Variants in THSD7A observed in about 807,000 individuals in gnomAD.
THSD7A encodes thrombospondin type-1 domain-containing protein 7A.
A neutral mutation model predicts 231.3 loss-of-function variants in THSD7A; 96 were observed. The observed-to-expected ratio is 0.41, with a 90% CI of 0.35 to 0.49. THSD7A has a LOEUF of 0.49. Ranked by LOEUF, THSD7A falls within the 20% of genes least tolerant of loss-of-function variation. THSD7A has a pLI of 0.05. For missense variants in THSD7A, 2,290 were observed against 2,070.2 expected (o/e 1.11, Z -2.06); for synonymous variants, 940 against 743.3 (o/e 1.26, Z -4.30).
intron 1 of THSD7A, among the ~76,000 whole-genome samples, chr7:11,653,719 G>A (rs1380249206): frequency 6.6e-6 from 1 of 151,816 alleles, no homozygotes; most frequent in African/African-American, 2.4e-5. Context: ...AATGAGAAAA[G>A]TAACCTCTTC....
intron 4 of THSD7A, among the ~76,000 whole-genome samples, chr7:11,562,342 T>A (rs562851428): frequency 1.3e-5 from 2 of 152,344 alleles, no homozygotes; most frequent in African/African-American, 4.8e-5. Context: ...CTAATTTGAA[T>A]AATGATATAC....
rs1781872849 is a variant in THSD7A at position 11,636,693 on chromosome 7, A to C, written c.459T>G (p.Ile153Met). Residue 153 changes from isoleucine to methionine, a missense_variant, in exon 2 of 28, where the codon ATT becomes ATG. Transcript: ENST00000423059. This position sits in a 1 kb window ranked among gnomAD's most constrained non-coding sequence, Gnocchi z 10.0. ...GGATGCACGCTATCTCCCTCACCTG[A>C]ATACCTTCTTCCCCCTTAATGCACT... ...PLECIKGEEG[I>M]QVREIACIQK... is the part of the protein sequence containing the mutation. The C allele has an allele frequency of 6.2e-7, 1 of 1,613,824 alleles. No homozygotes were observed. The highest frequency in any genetic ancestry group is 1.1e-5 in the South Asian group (1 of 91,082).
intron 13 of THSD7A, among the ~76,000 whole-genome samples, chr7:11,433,109 G>C (rs112444843): frequency 1.3e-5 from 2 of 151,920 alleles, no homozygotes; most frequent in Non-Finnish European, 2.9e-5. Flanking sequence ...TTGGAGTATC[G>C]ATAATGATCC....
At chr7:11,735,638 C>A (rs1411471377) in intron 1 of THSD7A, among the ~76,000 whole-genome samples, 1 of 151,860 alleles carries the variant, frequency 6.6e-6, no homozygotes, top group Non-Finnish European at 1.5e-5. Flanking sequence ...ATATACACAA[C>A]TTGTGGTATC....
intron 6 of THSD7A, among the ~76,000 whole-genome samples, chr7:11,493,859 CT>C (rs1216521706): frequency 6.6e-6 from 1 of 151,822 alleles, no homozygotes; most frequent in Non-Finnish European, 1.5e-5. Context: ...TAATAGAAAC[CT>C]TTGGGGGTAA....
intron 1 of THSD7A, among the ~76,000 whole-genome samples, chr7:11,806,896 A>G (rs1341666008): frequency 6.6e-6 from 1 of 152,016 alleles, no homozygotes; most frequent in East Asian, 1.9e-4. Context: ...CTTTCTCTCC[A>G]CTGCTAACCT....
chr7:11,687,471 T>C (rs770072218), intron 1 of THSD7A, among the ~76,000 whole-genome samples: 22 of 151,756 alleles, frequency 1.4e-4, no homozygotes, highest in Admixed American at 2.0e-4. Context: ...ACGGCTTCTG[T>C]GAATATGAGC....
chr7:11,393,415 C>A (rs1562573174), intron 23 of THSD7A, among the ~76,000 whole-genome samples: 1 of 152,158 alleles, frequency 6.6e-6, no homozygotes, highest in Non-Finnish European at 1.5e-5. Flanking sequence ...AAAACCAGCA[C>A]AAAAAGTCTG....
At chr7:11,414,229 A>G (rs149064845) in intron 17 of THSD7A, among the ~76,000 whole-genome samples, 1 of 152,344 alleles carries the variant, frequency 6.6e-6, no homozygotes, top group African/African-American at 2.4e-5. Flanking sequence ...GGTTCTGGGT[A>G]GTCCATGGAG....
intron 1 of THSD7A, among the ~76,000 whole-genome samples, chr7:11,678,262 C>T (rs577547529): frequency 1.8e-4 from 28 of 152,146 alleles, no homozygotes; most frequent in South Asian, 4.2e-4. Flanking sequence ...AAAATTGACA[C>T]GCTAACATCA....
chr7:11,393,982 C>G (rs1440621035), intron 23 of THSD7A, among the ~76,000 whole-genome samples: 1 of 152,028 alleles, frequency 6.6e-6, no homozygotes. Flanking sequence ...CCTAGCAAGA[C>G]AGGCCAACAT....
chr7:11,590,512 C>G lies in THSD7A; in HGVS notation c.1401G>C (p.Val467=), dbSNP rs1203984101. The G allele has an allele frequency of 6.2e-7, 1 of 1,613,838 alleles. No homozygotes were observed. Among genetic ancestry groups the G allele is most frequent in the South Asian group, 1.1e-5 (1 of 91,064 alleles). The change falls in exon 4 of 28, where the codon GTG becomes GTC. Residue 467 remains valine (V), a synonymous_variant. Transcript: ENST00000423059. This position sits in a 1 kb window ranked among gnomAD's most constrained non-coding sequence, Gnocchi z 4.4. ...GTGAGAGGAGGTTTTCGTTGGCCTG[C>G]ACGCAGTACACCTCTCGGGTCTGGA... ...GGIQTREVYC[V]QANENLLSQL...
chr7:11,690,827 G>C (rs1312672142), intron 1 of THSD7A, among the ~76,000 whole-genome samples: 1 of 151,736 alleles, frequency 6.6e-6, no homozygotes, highest in South Asian at 2.1e-4. Flanking sequence ...AGGATATTTG[G>C]ATCATGCTTC....
At chr7:11,459,859 C>A (rs1313707901) in intron 11 of THSD7A, among the ~76,000 whole-genome samples, 3 of 151,556 alleles carry the variant, frequency 2.0e-5, no homozygotes, top group African/African-American at 4.8e-5. Context: ...GAGCAAAATA[C>A]GTTTTTTATA....
chr7:11,620,084 T>A (rs1441389361), intron 2 of THSD7A, among the ~76,000 whole-genome samples: 1 of 152,212 alleles, frequency 6.6e-6, no homozygotes, highest in Non-Finnish European at 1.5e-5. Context: ...ATGAACTGTC[T>A]CAATAAAACT....
At position 11,687,517 on chromosome 7, in the gene THSD7A, G is replaced by C. The variant is rs76928401; in HGVS notation, c.191-50556C>G. 7.5e-3 allele frequency among the ~76,000 whole-genome samples: 1,135 copies of C among 151,906 alleles called. 13 individuals are homozygous for C. Among genetic ancestry groups the C allele is most frequent in the African/African-American group, 0.026 (1,074 of 41,480 alleles). On this transcript the variant is annotated intron_variant, in intron 1 of 27. Transcript: ENST00000423059. The stretch of plus-strand genomic sequence containing the variant: ...TTAAAATATCAAAACATTCTTCTCA[G>C]TAGAAGACTGAAGAAAAACATCTTG...
rs554173972 is a variant in THSD7A at position 11,552,664 on chromosome 7, G to A, written c.1454-9547C>T. Among the ~76,000 whole-genome samples, 5 of 152,172 alleles carry A rather than the reference G, an allele frequency of 3.3e-5. No homozygotes were observed. The South Asian group carries it at 1.0e-3, about 32-fold the overall frequency. ...AACAAAGAACAGCCTGTAAAATTGAGCTGCAGTCATAGAAGCTGGTAGTTG... is the reference window on the plus strand; with the variant it reads ...AACAAAGAACAGCCTGTAAAATTGAACTGCAGTCATAGAAGCTGGTAGTTG... On this transcript the variant is annotated intron_variant, in intron 4 of 27. Transcript: ENST00000423059.
At chr7:11,575,962 C>T (rs372941629) in intron 4 of THSD7A, among the ~76,000 whole-genome samples, 15 of 152,120 alleles carry the variant, frequency 9.9e-5, no homozygotes, top group East Asian at 9.6e-4. Context: ...GGCTCTAGAA[C>T]CAGAAATCAT....
intron 1 of THSD7A, among the ~76,000 whole-genome samples, chr7:11,693,352 G>T (rs559575615): frequency 1.3e-5 from 2 of 151,318 alleles, no homozygotes; most frequent in Non-Finnish European, 3.0e-5. Flanking sequence ...ATACTTCACA[G>T]AATACATCTA....
Sources: gnomAD v4.1 joint callset for allele counts (sites outside exome capture counted in the v4.1 genomes callset) on GRCh38, gnomAD v4.1.1 for gene constraint, Gnocchi (gnomAD v3.1) non-coding constraint, MANE v1.5 for transcripts, NCBI Gene and HGNC (gene_info 2026-07-23, HGNC 2026-07-21) for gene names.